Variants in MAGEB17 observed in about 807,000 individuals in gnomAD.
The protein encoded by MAGEB17 is melanoma-associated antigen B17.
For missense variants in MAGEB17, 251 were observed against 281.4 expected, an observed-to-expected ratio of 0.89 and a Z score of 0.77; for synonymous variants, 110 against 112.4, an observed-to-expected ratio of 0.98 and a Z score of 0.13.
At position 16,170,411 on chromosome X, in the gene MAGEB17, G is replaced by A. The variant is rs1455286208; in HGVS notation, c.29G>A (p.Arg10His). The A allele has an allele frequency of 8.6e-6, 10 of 1,164,280 alleles. No individual in the cohort carries two copies. Among genetic ancestry groups the A allele is most frequent in the Admixed American group, 2.6e-5 (1 of 38,605 alleles). ...CCTCGCGGTCAGGCGAGTAAGCGCC[G>A]TGCCCGTGAGAAACGCCGCCAGGCT... MPRGQASKR[R>H]AREKRRQARG... Residue 10 changes from arginine (R) to histidine (H), a missense_variant, in exon 2 of 2, where the codon CGT becomes CAT. By Grantham distance (29) the Arg-to-His change is conservative (BLOSUM62 0). Coordinates refer to ENST00000400004, the MANE Select transcript of MAGEB17 (RefSeq NM_001277307.2).
chrX:16,169,333 G>GCCTCAC (rs1464558861), intron 1 of MAGEB17, among the ~76,000 whole-genome samples: 2 of 111,805 alleles, frequency 1.8e-5, no homozygotes, highest in Non-Finnish European at 3.8e-5. Context: ...GACAGCTGCT[G>GCCTCAC]GAGGTTGTTA....
chrX:16,168,435 C>T (rs1286058006), intron 1 of MAGEB17, among the ~76,000 whole-genome samples: 2 of 112,209 alleles, frequency 1.8e-5, no homozygotes, highest in African/African-American at 3.2e-5. Flanking sequence ...TGGGAGACCC[C>T]GTGCAGGCAT....
At chrX:16,170,075 G>A (rs577980813) in intron 1 of MAGEB17, among the ~76,000 whole-genome samples, 1 of 112,135 alleles carries the variant, frequency 8.9e-6, no homozygotes, top group South Asian at 3.7e-4. Flanking sequence ...CCCAGACAGG[G>A]ATGTCAAGCC....
rs777606253 is a variant in MAGEB17, at chrX:16,167,577, C to A, written c.-256C>A. The A allele has an allele frequency of 1.8e-5, 2 of 110,839 alleles. No homozygotes were observed. Among genetic ancestry groups the A allele is most frequent in the East Asian group, 5.7e-4 (2 of 3,524 alleles). 9.1% of individuals were successfully genotyped at this position (110,839 alleles called of 1,213,427 possible). Reference sequence around the variant, plus strand: ...ACTCATTGGAGTCCCGGAGAGGACACTGAGTACACTGGAGAGGACTTCTAT... The same window carrying A: ...ACTCATTGGAGTCCCGGAGAGGACAATGAGTACACTGGAGAGGACTTCTAT... On this transcript the variant is annotated 5_prime_UTR_variant, in exon 1 of 2. The change creates a new upstream start codon in the 5' untranslated region. Coordinates refer to ENST00000400004, the MANE Select transcript of MAGEB17 (RefSeq NM_001277307.2).
rs1569131853 is a variant in MAGEB17 at position 16,170,954 on chromosome X, G to A, written c.572G>A (p.Ser191Asn). ...GACTTTCCCAATCAAGGAAGCTTGA[G>A]CGATGGCGGGGGCTTTCCCCTGAGC... ...KLDFPNQGSL[S>N]DGGGFPLSGL... is the part of the protein sequence containing the mutation. The change falls in exon 2 of 2, where the codon AGC becomes AAC. Residue 191 changes from serine to asparagine, a missense_variant. By Grantham distance (46) the Ser-to-Asn change is conservative (BLOSUM62 1). Transcript: ENST00000400004. 11 of 1,167,446 alleles carry A rather than the reference G, an allele frequency of 9.4e-6. No individual in the cohort carries two copies. The highest frequency in any genetic ancestry group is 1.8e-5 in the African/African-American group (1 of 56,459).
At chrX:16,168,910 T>TG (rs1922999292) in intron 1 of MAGEB17, 1 of 107,981 alleles carries the variant, frequency 9.3e-6, no homozygotes, top group African/African-American at 3.4e-5. Flanking sequence ...GGAGTGAAGG[T>TG]AAAAAAAACC....
rs1046966083 is a variant in MAGEB17, at chrX:16,170,664, C to T, written c.282C>T (p.Ser94=). Residue 94 remains serine (S), a synonymous_variant, in exon 2 of 2, where the codon TCC becomes TCT. Transcript: ENST00000400004. ...AKGQKGESPN[S]FHGPSSSEST... ...GCCAAAAGGGGGAAAGTCCCAACTC[C>T]TTCCATGGCCCGTCCTCCTCTGAGA... 3.4e-6 allele frequency: 4 copies of T among 1,165,638 alleles called. No individual in the cohort carries two copies. The African/African-American group carries it at 7.2e-5, about 21-fold the overall frequency.
chrX:16,168,235 A>T (rs1363376556), intron 1 of MAGEB17, among the ~76,000 whole-genome samples: 1 of 108,859 alleles, frequency 9.2e-6, no homozygotes, highest in African/African-American at 3.4e-5. Context: ...GGCCCCAGCG[A>T]CTCGGGAGGC....
At chrX:16,169,344 A>T (rs1923008603) in intron 1 of MAGEB17, among the ~76,000 whole-genome samples, 1 of 111,783 alleles carries the variant, frequency 8.9e-6, no homozygotes, top group African/African-American at 3.3e-5. Context: ...GAGGTTGTTA[A>T]GCTCTTGCCA....
At chrX:16,169,911 T>A (rs553327300) in intron 1 of MAGEB17, among the ~76,000 whole-genome samples, 1 of 111,289 alleles carries the variant, frequency 9.0e-6, no homozygotes, top group South Asian at 3.9e-4. Flanking sequence ...CATGCTTTCT[T>A]TCCCCTTGGG....
In MAGEB17 at chrX:16,170,421, G is replaced by C; in HGVS notation, c.39G>C (p.Glu13Asp). ...AGGCGAGTAAGCGCCGTGCCCGTGAGAAACGCCGCCAGGCTCGAGGTGAAG... is the reference window on the plus strand; with the variant it reads ...AGGCGAGTAAGCGCCGTGCCCGTGACAAACGCCGCCAGGCTCGAGGTGAAG... ...RGQASKRRAR[E>D]KRRQARGEDQ... The change falls in exon 2 of 2, where the codon GAG (glutamate) becomes GAC (aspartate). Residue 13 changes from glutamate to aspartate, a missense_variant. Glu to Asp is a conservative substitution (Grantham distance 45). Transcript: ENST00000400004. The C allele has an allele frequency of 8.6e-7, 1 of 1,166,646 alleles. No homozygotes were observed. The highest frequency in any genetic ancestry group is 1.9e-5 in the South Asian group (1 of 52,591).
chrX:16,168,501 T>G (rs1922989432), intron 1 of MAGEB17, among the ~76,000 whole-genome samples: 1 of 112,213 alleles, frequency 8.9e-6, no homozygotes, highest in African/African-American at 3.2e-5. Flanking sequence ...ACGTGAGAGC[T>G]TGGGCCTGGG....
Position 16,171,294 on chromosome X carries a change from G to A in MAGEB17, c.912G>A (p.Arg304=). 1.7e-6 allele frequency: 2 copies of A among 1,201,665 alleles called. No homozygotes were observed. Among genetic ancestry groups the A allele is most frequent in the Non-Finnish European group, 2.2e-6 (2 of 890,655 alleles). ...CCGTTGCCAGTACCTACAAGTCCCG[G>A]TATGAGGAGGCTCTGAGAGAGGAGG... ...NDTVASTYKS[R]YEEALREEEE... Residue 304 remains arginine (R), a synonymous_variant, in exon 2 of 2, where the codon CGG becomes CGA. Coordinates refer to ENST00000400004, the MANE Select transcript of MAGEB17 (RefSeq NM_001277307.2).
Position 16,170,869 on chromosome X carries a change from G to A in MAGEB17, c.487G>A (p.Gly163Ser), listed in dbSNP as rs1213682053. ...RSTENVEVVFGLYLKEMDPSR... is the reference protein window; with the variant it reads ...RSTENVEVVFSLYLKEMDPSR... ...CACTGAGAACGTAGAGGTGGTCTTTGGCCTCTACCTGAAGGAAATGGACCC... is the reference window on the plus strand; with the variant it reads ...CACTGAGAACGTAGAGGTGGTCTTTAGCCTCTACCTGAAGGAAATGGACCC... The change falls in exon 2 of 2, where the codon GGC becomes AGC. Residue 163 changes from glycine (G) to serine (S), a missense_variant. Gly to Ser is a moderately conservative substitution (Grantham distance 56). Coordinates refer to ENST00000400004, the MANE Select transcript of MAGEB17 (RefSeq NM_001277307.2). 2 of 1,165,818 alleles carry A rather than the reference G, an allele frequency of 1.7e-6. No homozygotes were observed. The highest frequency in any genetic ancestry group is 3.6e-5 in the African/African-American group (2 of 55,909).
chrX:16,169,686 G>A (rs541206160), intron 1 of MAGEB17, among the ~76,000 whole-genome samples: 1 of 111,469 alleles, frequency 9.0e-6, no homozygotes, highest in East Asian at 2.8e-4. Context: ...AGAGGGAGTC[G>A]GATAGAGGGC....
At chrX:16,168,454 G>A (rs1056691201) in intron 1 of MAGEB17, among the ~76,000 whole-genome samples, 6 of 112,503 alleles carry the variant, frequency 5.3e-5, no homozygotes, top group African/African-American at 1.9e-4. Context: ...ATAGCCAGAC[G>A]GGGCATGCCG....
chrX:16,170,972 C>T lies in MAGEB17; in HGVS notation c.590C>T (p.Pro197Leu), dbSNP rs1569131869. Residue 197 changes from proline (P) to leucine (L), a missense_variant, in exon 2 of 2, where the codon CCC becomes CTC. Transcript: ENST00000400004. ...QGSLSDGGGF[P>L]LSGLLMVLLS... The stretch of plus-strand genomic sequence containing the variant: ...AGCTTGAGCGATGGCGGGGGCTTTC[C>T]CCTGAGCGGGCTCCTGATGGTTCTC... The T allele has an allele frequency of 8.6e-7, 1 of 1,167,035 alleles. No homozygotes were observed. The highest frequency in any genetic ancestry group is 3.3e-5 in the East Asian group (1 of 30,765).
At position 16,170,391 on chromosome X, in the gene MAGEB17, C is replaced by T. The variant is rs1235364611; in HGVS notation, c.9C>T (p.Arg3=). MP[R]GQASKRRARE... ...CCCTAAGCACAGTCATCATGCCTCGCGGTCAGGCGAGTAAGCGCCGTGCCC... is the reference window on the plus strand; with the variant it reads ...CCCTAAGCACAGTCATCATGCCTCGTGGTCAGGCGAGTAAGCGCCGTGCCC... The change falls in exon 2 of 2, where the codon CGC becomes CGT. Residue 3 remains arginine (R), a synonymous_variant. Coordinates refer to ENST00000400004, the MANE Select transcript of MAGEB17 (RefSeq NM_001277307.2). 5.2e-6 allele frequency: 6 copies of T among 1,159,755 alleles called. No homozygotes were observed. Among genetic ancestry groups the T allele is most frequent in the East Asian group, 3.3e-5 (1 of 30,707 alleles).
intron 1 of MAGEB17, among the ~76,000 whole-genome samples, chrX:16,168,239 G>A (rs933641182): frequency 3.6e-5 from 4 of 111,410 alleles, no homozygotes; most frequent in African/African-American, 1.3e-4. Context: ...CCAGCGACTC[G>A]GGAGGCTGAG....
Sources: allele counts gnomAD v4.1 joint callset (sites outside exome capture counted in the v4.1 genomes callset), GRCh38; gene constraint gnomAD v4.1.1; transcripts MANE v1.5; gene names NCBI Gene and HGNC (gene_info 2026-07-23, HGNC 2026-07-21).